The following CFAP44 variants were observed in gnomAD, a reference collection of about 807,000 sequenced individuals.
The protein encoded by CFAP44 is cilia and flagella associated protein 44, also known as cilia- and flagella-associated protein 44.
CFAP44 carries 134 observed loss-of-function variants against 216.2 expected under a neutral mutation model. That is an observed-to-expected ratio of 0.62 (90% CI 0.54 to 0.72). The LOEUF (loss-of-function observed/expected upper bound fraction) is 0.72, where lower values mean the gene tolerates loss of function less well. Ranked by LOEUF, CFAP44 falls within the 30% of genes least tolerant of loss-of-function variation. The pLI is 0.00. For synonymous variants in CFAP44, 700 were observed against 727.6 expected (o/e 0.96, Z 0.61); for missense variants, 2,035 against 2,182.1 (o/e 0.93, Z 1.34).
intron 25 of CFAP44, among the ~76,000 whole-genome samples, chr3:113,332,580 T>A (rs753587917): frequency 2.6e-5 from 4 of 152,142 alleles, no homozygotes; most frequent in Non-Finnish European, 4.4e-5. Flanking sequence ...CTCCTAAAAG[T>A]AGTAGCTCAG....
chr3:113,397,007 T>C (rs930964965), intron 13 of CFAP44, among the ~76,000 whole-genome samples: 1 of 152,238 alleles, frequency 6.6e-6, no homozygotes, highest in Admixed American at 6.5e-5. Context: ...CAGTGGTGAA[T>C]ATAAACCAAC....
intron 21 of CFAP44, among the ~76,000 whole-genome samples, chr3:113,362,330 A>G (rs1950549055): frequency 6.6e-6 from 1 of 152,026 alleles, no homozygotes; most frequent in Non-Finnish European, 1.5e-5. Context: ...ACTCCTCGTG[A>G]TGCTCTGGGC....
chr3:113,439,663 G>A (rs773134644), intron 1 of CFAP44, among the ~76,000 whole-genome samples: 3 of 152,084 alleles, frequency 2.0e-5, no homozygotes, highest in Non-Finnish European at 4.4e-5. Context: ...AGGTTGACAG[G>A]GTCAACTCTA....
intron 24 of CFAP44, among the ~76,000 whole-genome samples, chr3:113,338,056 G>A: frequency 6.6e-6 from 1 of 151,614 alleles, no homozygotes; most frequent in Middle Eastern, 3.4e-3. Context: ...TGAGGTCAGG[G>A]GTTCCAAACC....
At chr3:113,299,715 G>C (rs1949916183) in intron 32 of CFAP44, among the ~76,000 whole-genome samples, 1 of 152,104 alleles carries the variant, frequency 6.6e-6, no homozygotes. Flanking sequence ...GTAGACAATG[G>C]AGTACTATTC....
intron 15 of CFAP44, among the ~76,000 whole-genome samples, chr3:113,383,991 A>G (rs1933582336): frequency 1.3e-5 from 2 of 151,584 alleles, no homozygotes; most frequent in Admixed American, 1.3e-4. Context: ...ATGAGTGAGA[A>G]CATGTGGTGT....
intron 7 of CFAP44, 101 bp from the exon 8 acceptor site, chr3:113,407,142 TTTCA>T (rs1469174548): frequency 1.4e-5 from 12 of 863,856 alleles, no homozygotes; most frequent in Admixed American, 2.2e-5. Context: ...GCATATATTA[TTTCA>T]TTCATTCATT....
At chr3:113,359,302 C>G (rs778697482) in intron 21 of CFAP44, among the ~76,000 whole-genome samples, 4 of 152,158 alleles carry the variant, frequency 2.6e-5, no homozygotes, top group Admixed American at 1.3e-4. Flanking sequence ...CTTGACATCA[C>G]CAAGTTTTTG....
rs750072011 is a variant in CFAP44 at position 113,291,402 on chromosome 3, G to C, written c.*155C>G. On this transcript the variant is annotated 3_prime_UTR_variant, in exon 35 of 35. Coordinates refer to ENST00000393845, the MANE Select transcript of CFAP44 (RefSeq NM_001164496.2). Reference sequence around the variant, plus strand: ...TCAGTTCTAAGATAACCAAATTGTAGAGAGATTCTTAAAGTGACTTAACGT... The same window carrying C: ...TCAGTTCTAAGATAACCAAATTGTACAGAGATTCTTAAAGTGACTTAACGT... 66 of 848,934 alleles carry C rather than the reference G, an allele frequency of 7.8e-5. No homozygotes were observed. The Middle Eastern group carries it at 2.4e-3, about 31-fold the overall frequency. The allele number at this position is 848,934 out of a possible 1,614,324, so 52.6% of individuals were successfully genotyped here.
At chr3:113,379,281 T>TA in intron 17 of CFAP44, 25 bp downstream of exon 17, 1 of 1,474,038 alleles carries the variant, frequency 6.8e-7, no homozygotes, top group Non-Finnish European at 9.1e-7. Flanking sequence ...ATGATTGAGG[T>TA]AAAAATTATT....
chr3:113,363,834 T>A (rs1250148229), intron 19 of CFAP44, among the ~76,000 whole-genome samples: 1 of 152,178 alleles, frequency 6.6e-6, no homozygotes, highest in African/African-American at 2.4e-5. Context: ...CTAATGTTCA[T>A]ATGCTATTAA....
At position 113,288,907 on chromosome 3, in the gene CFAP44, G is replaced by C. The variant is rs1396874060; in HGVS notation, c.*2650C>G. On this transcript the variant is annotated 3_prime_UTR_variant, in exon 35 of 35. Transcript: ENST00000393845. ...TCCAATGCTGAGATTGATCATCGGT[G>C]ATACTATGGATGACAGTTCAGAAGA... 6.6e-6 allele frequency: 1 copy of C among 152,268 alleles called. No homozygotes were observed. Among genetic ancestry groups the C allele is most frequent in the African/African-American group, 2.4e-5 (1 of 41,450 alleles). 9.4% of individuals were successfully genotyped at this position (152,268 alleles called of 1,614,324 possible).
chr3:113,429,024 A>G (rs547119563), intron 2 of CFAP44: 4 of 152,156 alleles, frequency 2.6e-5, no homozygotes, highest in Admixed American at 1.3e-4. Flanking sequence ...ACTATAAGAA[A>G]GCCTACAAAT....
At chr3:113,356,486 C>T (rs1348780590) in intron 22 of CFAP44, among the ~76,000 whole-genome samples, 2 of 152,008 alleles carry the variant, frequency 1.3e-5, no homozygotes, top group Non-Finnish European at 2.9e-5. Flanking sequence ...GATACTGGCA[C>T]CTGGATAGAC....
chr3:113,431,173 T>C (rs1171680844), intron 2 of CFAP44, among the ~76,000 whole-genome samples: 1 of 152,120 alleles, frequency 6.6e-6, no homozygotes, highest in Non-Finnish European at 1.5e-5. Context: ...TGATCAGGTA[T>C]GAGGCTGAGC....
chr3:113,415,494 G>T (rs1004632801), intron 6 of CFAP44, among the ~76,000 whole-genome samples: 1 of 152,108 alleles, frequency 6.6e-6, no homozygotes, highest in African/African-American at 2.4e-5. Context: ...TTTGATGTGG[G>T]TATTTAGTGC....
chr3:113,434,252 C>G (rs151274053), intron 1 of CFAP44, among the ~76,000 whole-genome samples: 169 of 152,088 alleles, frequency 1.1e-3, no homozygotes, highest in Middle Eastern at 6.8e-3. Context: ...TAGCAAGAAG[C>G]CTAAAACATG....
At chr3:113,395,560 AG>A (rs1377127180) in intron 15 of CFAP44, among the ~76,000 whole-genome samples, 189 bp downstream of exon 15, 2 of 152,316 alleles carry the variant, frequency 1.3e-5, no homozygotes, top group African/African-American at 4.8e-5. Flanking sequence ...GGAGAGAGCA[AG>A]GCTCCTGAGT....
chr3:113,407,673 T>A (rs781086676), intron 7 of CFAP44, among the ~76,000 whole-genome samples: 1 of 152,194 alleles, frequency 6.6e-6, no homozygotes, highest in Admixed American at 6.5e-5. Flanking sequence ...ATCAAAGCAA[T>A]CAATAAATGT....
Sources: allele counts gnomAD v4.1 joint callset (sites outside exome capture counted in the v4.1 genomes callset), GRCh38; gene constraint gnomAD v4.1.1; transcripts MANE v1.5; gene names NCBI Gene and HGNC (gene_info 2026-07-23, HGNC 2026-07-21).